CERS6: variants seen among roughly 807,000 people sequenced by gnomAD.
CERS6 encodes ceramide synthase 6.
Under a neutral mutation model 56.8 loss-of-function variants are expected in CERS6, and 26 were observed. The ratio of observed to expected loss-of-function variants is 0.46; its 90% CI spans 0.34 to 0.63. The LOEUF (loss-of-function observed/expected upper bound fraction) is 0.63. CERS6 is among the 30% of genes least tolerant of loss of function. CERS6 has a pLI of 0.01. For missense variants in CERS6, 415 were observed against 467.5 expected (o/e 0.89, Z 1.04); for synonymous variants, 164 against 173.3 (o/e 0.95, Z 0.42).
In CERS6 at chr2:168,743,405, C is replaced by T. The variant is rs1314155086; in HGVS notation, c.846-22187C>T. Among the ~76,000 whole-genome samples, 4 of 152,058 alleles carry T rather than the reference C, an allele frequency of 2.6e-5. No individual in the cohort carries two copies. In the South Asian group the frequency reaches 6.2e-4, roughly 24 times the overall value. Reference sequence around the variant, plus strand: ...ATCCCACCACTTTGGGAGGCTGAAGCAGGCTGATCACTTGAGCCTAGGCAT... The same window carrying T: ...ATCCCACCACTTTGGGAGGCTGAAGTAGGCTGATCACTTGAGCCTAGGCAT... On this transcript the variant is annotated intron_variant, in intron 8 of 9. Transcript: ENST00000305747.
At chr2:168,647,210 A>G (rs1685225490) in intron 4 of CERS6, among the ~76,000 whole-genome samples, 1 of 151,970 alleles carries the variant, frequency 6.6e-6, no homozygotes, top group African/African-American at 2.4e-5. Flanking sequence ...TCTTTGAGCA[A>G]TGTTTTCTAA....
chr2:168,771,161 C>G lies in CERS6; in HGVS notation c.*1499C>G, dbSNP rs1684851974. 1 of 152,102 alleles carries G rather than the reference C, an allele frequency of 6.6e-6. No homozygotes were observed. The highest frequency in any genetic ancestry group is 2.4e-5 in the African/African-American group (1 of 41,386). The allele number at this position is 152,102 out of a possible 1,614,324, so 9.4% of individuals were successfully genotyped here. A position where few individuals can be genotyped will look rare whatever the true frequency, so the allele number is the denominator to read the frequency against. On this transcript the variant is annotated 3_prime_UTR_variant, in exon 10 of 10. Transcript: ENST00000305747. ...AATGTGTGAATCAGGGCTGTGAAGACAACAGCAGAAATGCTAACAAGCGTG... is the reference window on the plus strand; with the variant it reads ...AATGTGTGAATCAGGGCTGTGAAGAGAACAGCAGAAATGCTAACAAGCGTG...
At chr2:168,531,536 G>C (rs1018589502) in intron 1 of CERS6, among the ~76,000 whole-genome samples, 1 of 152,066 alleles carries the variant, frequency 6.6e-6, no homozygotes, top group Non-Finnish European at 1.5e-5. Flanking sequence ...AAAAGTCACT[G>C]ACTGTCCGGG....
intron 8 of CERS6, among the ~76,000 whole-genome samples, chr2:168,721,588 A>AAAACAG: frequency 6.7e-6 from 1 of 149,378 alleles, no homozygotes; most frequent in East Asian, 2.0e-4. Flanking sequence ...CCAAAAAACA[A>AAAACAG]AAACTAAAGA....
chr2:168,606,663 G>A (rs1022813528), intron 3 of CERS6, among the ~76,000 whole-genome samples: 5 of 152,124 alleles, frequency 3.3e-5, no homozygotes, highest in Non-Finnish European at 7.4e-5. Flanking sequence ...CATGAGATTT[G>A]GAAGGGGCCA....
chr2:168,483,281 C>G (rs1257678254), intron 1 of CERS6, among the ~76,000 whole-genome samples: 1 of 144,438 alleles, frequency 6.9e-6, no homozygotes, highest in Non-Finnish European at 1.6e-5. Flanking sequence ...GATTACATAG[C>G]TATTTTTTTT....
chr2:168,772,415 A>ATG lies in CERS6; in HGVS notation c.*2755_*2756dup, dbSNP rs1231684862. ...TGATATAAAAACATGTGTTCTATTT[A>ATG]TGTATATATATGTATGTTTCTCCAA... On this transcript the variant is annotated 3_prime_UTR_variant, in exon 10 of 10. Coordinates refer to ENST00000305747, the MANE Select transcript of CERS6 (RefSeq NM_203463.3). 1.3e-5 allele frequency: 2 copies of ATG among 152,620 alleles called. No individual in the cohort carries two copies. The highest frequency in any genetic ancestry group is 2.9e-5 in the Non-Finnish European group (2 of 68,030). 9.5% of individuals were successfully genotyped at this position (152,620 alleles called of 1,614,324 possible). A position where few individuals can be genotyped will look rare whatever the true frequency, so the allele number is the denominator to read the frequency against.
chr2:168,738,768 G>C (rs138214117), intron 8 of CERS6, among the ~76,000 whole-genome samples: 1 of 152,184 alleles, frequency 6.6e-6, no homozygotes, highest in Non-Finnish European at 1.5e-5. Context: ...TGTAGTACCC[G>C]TGCTCCAGAA....
At chr2:168,743,162 ATG>A (rs1293057449) in intron 8 of CERS6, among the ~76,000 whole-genome samples, 38 of 150,340 alleles carry the variant, frequency 2.5e-4, no homozygotes, top group African/African-American at 6.6e-4. Context: ...ATATATATAT[ATG>A]TATGTATGTG....
chr2:168,483,854 C>T (rs963553362), intron 1 of CERS6, among the ~76,000 whole-genome samples: 1 of 152,160 alleles, frequency 6.6e-6, no homozygotes, highest in Non-Finnish European at 1.5e-5. Flanking sequence ...ATCAGAGTCA[C>T]CTGGAGAGCT....
chr2:168,657,841 C>T (rs954842145), intron 4 of CERS6, among the ~76,000 whole-genome samples: 1 of 152,232 alleles, frequency 6.6e-6, no homozygotes, highest in Non-Finnish European at 1.5e-5. Context: ...TCCCTGCAGG[C>T]TGAGGAAGTG....
intron 8 of CERS6, among the ~76,000 whole-genome samples, chr2:168,723,181 G>T (rs146756586): frequency 2.0e-5 from 3 of 152,228 alleles, no homozygotes; most frequent in Admixed American, 1.3e-4. Context: ...ATATGATGGG[G>T]GAAGAGACTT....
At chr2:168,483,419 C>T (rs965901416) in intron 1 of CERS6, among the ~76,000 whole-genome samples, 3 of 151,960 alleles carry the variant, frequency 2.0e-5, no homozygotes, top group African/African-American at 7.3e-5. Context: ...CAGCTTTCTT[C>T]TGTGCAAAAT....
chr2:168,515,767 T>C (rs1418270635), intron 1 of CERS6, among the ~76,000 whole-genome samples: 6 of 152,216 alleles, frequency 3.9e-5, no homozygotes, highest in Non-Finnish European at 5.9e-5. Flanking sequence ...AAGTACTTGT[T>C]GTGCCAAGAA....
At chr2:168,562,023 G>A (rs543944533) in intron 3 of CERS6, among the ~76,000 whole-genome samples, 26 of 152,260 alleles carry the variant, frequency 1.7e-4, no homozygotes, top group Non-Finnish European at 3.5e-4. Flanking sequence ...AAGGGAAGAC[G>A]TGCCTGGAGA....
At chr2:168,499,521 G>T (rs1383734678) in intron 1 of CERS6, among the ~76,000 whole-genome samples, 3 of 152,148 alleles carry the variant, frequency 2.0e-5, no homozygotes, top group South Asian at 2.1e-4. Context: ...CATTGAGGGG[G>T]TCTGTAATGT....
At chr2:168,721,645 G>T (rs1224310360) in intron 8 of CERS6, among the ~76,000 whole-genome samples, 1 of 150,678 alleles carries the variant, frequency 6.6e-6, no homozygotes, top group East Asian at 2.0e-4. Context: ...AACCAACGGG[G>T]TCTTGCTCTG....
intron 4 of CERS6, among the ~76,000 whole-genome samples, chr2:168,681,661 C>G (rs113409007): frequency 1.1e-4 from 17 of 152,140 alleles, no homozygotes; most frequent in Non-Finnish European, 2.4e-4. Context: ...ACCCACTCTT[C>G]CAGCTAATTG....
intron 3 of CERS6, among the ~76,000 whole-genome samples, chr2:168,627,812 A>T (rs1384997323): frequency 1.3e-5 from 2 of 151,358 alleles, no homozygotes; most frequent in East Asian, 1.9e-4. Context: ...CTATAATTAG[A>T]TTTGTTTTCT....
Sources: allele counts gnomAD v4.1 joint callset (sites outside exome capture counted in the v4.1 genomes callset), GRCh38; gene constraint gnomAD v4.1.1; transcripts MANE v1.5; gene names NCBI Gene and HGNC (gene_info 2026-07-23, HGNC 2026-07-21).